Variants in ECPAS observed in about 807,000 individuals in gnomAD.
The protein encoded by ECPAS is Ecm29 proteasome adaptor and scaffold, also known as proteasome adapter and scaffold protein ECM29.
ECPAS carries 70 observed loss-of-function variants against 255.1 expected under a neutral mutation model. The ratio of observed to expected loss-of-function variants is 0.27; its 90% confidence interval spans 0.23 to 0.33. The LOEUF is 0.33. Ranked by LOEUF, ECPAS falls within the 10% of genes least tolerant of loss-of-function variation. The pLI, the probability that ECPAS is intolerant of heterozygous loss-of-function variation, is 1.00. For synonymous variants in ECPAS, 784 were observed against 775.0 expected, an observed-to-expected ratio of 1.01 and a Z score of -0.19; for missense variants, 1,817 against 2,206.4, an observed-to-expected ratio of 0.82 and a Z score of 3.54.
chr9:111,475,672 G>T (rs868546208), intron 1 of ECPAS, among the ~76,000 whole-genome samples: 1 of 151,288 alleles, frequency 6.6e-6, no homozygotes, highest in Non-Finnish European at 1.5e-5. Context: ...GGAGGCAGAG[G>T]TTGCAATGAG....
chr9:111,386,551 C>T, intron 31 of ECPAS, 95 bp from the exon 32 acceptor site: 1 of 705,374 alleles, frequency 1.4e-6, no homozygotes, highest in Non-Finnish European at 2.5e-6. Flanking sequence ...CACTTAACCA[C>T]ACTGACCATG....
Position 111,372,419 on chromosome 9 carries a change from CA to C in ECPAS, c.4528+9del, listed in dbSNP as rs760552354. 9.3e-6 allele frequency: 15 copies of C among 1,610,662 alleles called. No homozygotes were observed. Among genetic ancestry groups the C allele is most frequent in the African/African-American group, 1.3e-5 (1 of 74,834 alleles). On this transcript the variant is annotated intron_variant, in intron 42 of 49. Coordinates refer to ENST00000684092, the MANE Select transcript of ECPAS (RefSeq NM_001364929.1). ...TAAGAAGCAGGTTTAACTCAGGCCA[CA>C]CTACTAACCAGGTACGTTTTCCTGC...
intron 2 of ECPAS, among the ~76,000 whole-genome samples, chr9:111,457,499 G>C (rs1564558795): frequency 6.6e-6 from 1 of 152,294 alleles, no homozygotes; most frequent in Non-Finnish European, 1.5e-5. Context: ...ATTGTAACAG[G>C]AGGGAAACAG....
intron 2 of ECPAS, among the ~76,000 whole-genome samples, chr9:111,468,952 T>C (rs2098282921): frequency 6.6e-6 from 1 of 152,156 alleles, no homozygotes; most frequent in Non-Finnish European, 1.5e-5. Flanking sequence ...ATCCTGTGAA[T>C]TATAAATCTA....
intron 19 of ECPAS, 120 bp from the exon 20 acceptor site, chr9:111,414,106 A>G: frequency 3.2e-6 from 2 of 625,216 alleles, no homozygotes; most frequent in Non-Finnish European, 5.2e-6. Flanking sequence ...GTTCTATTAA[A>G]AAAAAAAAAA....
At chr9:111,375,801 A>C (rs978362328) in intron 37 of ECPAS, among the ~76,000 whole-genome samples, 4 of 152,270 alleles carry the variant, frequency 2.6e-5, no homozygotes, top group African/African-American at 7.2e-5. Context: ...AAAAATAGCT[A>C]CTTCTCTTCA....
intron 45 of ECPAS, 51 bp from the exon 46 acceptor site, chr9:111,369,224 C>T (rs1282002062): frequency 7.2e-7 from 1 of 1,390,648 alleles, no homozygotes; most frequent in African/African-American, 1.5e-5. Context: ...TTCAAAGTTA[C>T]AGGTATACTA....
chr9:111,442,672 A>G (rs2098247504), intron 4 of ECPAS, among the ~76,000 whole-genome samples: 1 of 152,222 alleles, frequency 6.6e-6, no homozygotes, highest in South Asian at 2.1e-4. Context: ...AATCTAAAGC[A>G]TTCATATATG....
intron 37 of ECPAS, 25 bp from the exon 38 acceptor site, chr9:111,375,227 G>C (rs755938937): frequency 6.3e-7 from 1 of 1,580,354 alleles, no homozygotes; most frequent in East Asian, 2.2e-5. Context: ...CAAATATAAA[G>C]GTAAGCCTTG....
intron 1 of ECPAS, among the ~76,000 whole-genome samples, chr9:111,479,412 A>T (rs550229224): frequency 1.3e-5 from 2 of 151,954 alleles, no homozygotes; most frequent in South Asian, 2.1e-4. Context: ...CCTGGCCAAC[A>T]CGGTGAAATC....
intron 2 of ECPAS, among the ~76,000 whole-genome samples, chr9:111,472,395 C>A (rs2098289714): frequency 6.6e-6 from 1 of 152,128 alleles, no homozygotes. Flanking sequence ...TAAATAACAT[C>A]TCCAAGGGAG....
At chr9:111,462,873 G>C (rs913324736) in intron 2 of ECPAS, among the ~76,000 whole-genome samples, 36 of 151,204 alleles carry the variant, frequency 2.4e-4, no homozygotes, top group African/African-American at 7.8e-4. Context: ...CTCCCAAATA[G>C]CTGGGATTAC....
intron 7 of ECPAS, among the ~76,000 whole-genome samples, chr9:111,436,360 A>G (rs1181875572): frequency 1.3e-5 from 2 of 152,222 alleles, no homozygotes; most frequent in Non-Finnish European, 2.9e-5. Flanking sequence ...TTCTCTGTAG[A>G]GCACCAGTCA....
intron 26 of ECPAS, among the ~76,000 whole-genome samples, 154 bp downstream of exon 26, chr9:111,394,006 C>T (rs2098164074): frequency 6.6e-6 from 1 of 152,208 alleles, no homozygotes; most frequent in South Asian, 2.1e-4. Flanking sequence ...CATCTTCCAG[C>T]CTATATACAT....
At chr9:111,436,589 A>C (rs1233214842) in intron 7 of ECPAS, among the ~76,000 whole-genome samples, 1 of 152,182 alleles carries the variant, frequency 6.6e-6, no homozygotes, top group Non-Finnish European at 1.5e-5. Context: ...GCACCATAAA[A>C]GCTAGATGAA....
intron 3 of ECPAS, among the ~76,000 whole-genome samples, chr9:111,445,822 C>T (rs182682737): frequency 1.1e-4 from 17 of 152,136 alleles, no homozygotes; most frequent in African/African-American, 4.1e-4. Context: ...GGTATCCCTA[C>T]CCCAGGCCCC....
chr9:111,371,553 C>G (rs1372696701), intron 43 of ECPAS, 68 bp downstream of exon 43: 3 of 1,360,176 alleles, frequency 2.2e-6, no homozygotes, highest in Non-Finnish European at 3.1e-6. Flanking sequence ...AAAACCAGAT[C>G]GTTACTATTA....
intron 18 of ECPAS, among the ~76,000 whole-genome samples, chr9:111,415,199 T>C (rs2098201329): frequency 2.0e-5 from 3 of 151,686 alleles, no homozygotes; most frequent in Admixed American, 6.6e-5. Context: ...AGTTAAAAAT[T>C]ATAATAAAAA....
At chr9:111,467,250 G>C (rs529689474) in intron 2 of ECPAS, among the ~76,000 whole-genome samples, 4 of 152,074 alleles carry the variant, frequency 2.6e-5, no homozygotes, top group African/African-American at 7.2e-5. Context: ...TGAGAAAAGA[G>C]AAGAGAAGAG....
Sources: gnomAD v4.1 joint callset for allele counts (sites outside exome capture counted in the v4.1 genomes callset) on GRCh38, gnomAD v4.1.1 for gene constraint, MANE v1.5 for transcripts, NCBI Gene and HGNC (gene_info 2026-07-23, HGNC 2026-07-21) for gene names.